Variants in NAALADL2 observed in about 807,000 individuals in gnomAD.
The protein encoded by NAALADL2 is N-acetylated alpha-linked acidic dipeptidase like 2.
NAALADL2 carries 76 observed loss-of-function variants against 87.2 expected under a neutral mutation model. The observed-to-expected ratio is 0.87, with a 90% CI of 0.72 to 1.05. NAALADL2 has a LOEUF of 1.05. Among genes scored for constraint, NAALADL2 ranks in the 50% least tolerant of loss-of-function variants. The pLI, the probability that NAALADL2 is intolerant of heterozygous loss-of-function variation, is 0.00. For synonymous variants in NAALADL2, 354 were observed against 331.0 expected (o/e 1.07, Z -0.75); for missense variants, 1,089 against 945.8 (o/e 1.15, Z -1.99).
chr3:174,829,643 G>T (rs1722423630), intron 3 of NAALADL2, among the ~76,000 whole-genome samples: 2 of 142,958 alleles, frequency 1.4e-5, no homozygotes, highest in East Asian at 2.0e-4. Context: ...TAATGGGATG[G>T]CTGGGTCAAA....
At chr3:175,427,135 T>A (rs189219976) in intron 5 of NAALADL2, among the ~76,000 whole-genome samples, 8 of 152,344 alleles carry the variant, frequency 5.3e-5, no homozygotes, top group African/African-American at 1.4e-4. Flanking sequence ...CTTGAATATA[T>A]GCTGTTCTTT....
At chr3:174,892,612 A>G (rs1334064467) in intron 1 of NAALADL2, among the ~76,000 whole-genome samples, 1 of 152,160 alleles carries the variant, frequency 6.6e-6, no homozygotes, top group Non-Finnish European at 1.5e-5. Flanking sequence ...TTAGAGAAAA[A>G]TATCAATATC....
chr3:175,104,110 C>G (rs569103740), intron 2 of NAALADL2, among the ~76,000 whole-genome samples: 1 of 152,184 alleles, frequency 6.6e-6, no homozygotes, highest in South Asian at 2.1e-4. Flanking sequence ...TTTAATCTCT[C>G]CCTTTCCACA....
intron 1 of NAALADL2, among the ~76,000 whole-genome samples, chr3:175,008,753 T>G (rs6786297): frequency 0.23 from 34,295 of 151,860 alleles, 5,362 homozygotes; most frequent in African/African-American, 0.44. Context: ...TAGGGTAGGC[T>G]AGGGTTTGGA....
At chr3:175,181,777 A>ATGTGTATATATG (rs36191548) in intron 2 of NAALADL2, among the ~76,000 whole-genome samples, 24,548 of 64,074 alleles carry the variant, frequency 0.38, 7,566 homozygotes, top group Non-Finnish European at 0.47. Flanking sequence ...GTGTGTATAT[A>ATGTGTATATATG]TGTATATATA....
chr3:174,759,168 A>G (rs1712560222), intron 3 of NAALADL2, among the ~76,000 whole-genome samples: 1 of 152,166 alleles, frequency 6.6e-6, no homozygotes, highest in Non-Finnish European at 1.5e-5. Flanking sequence ...TGGCAGCTGG[A>G]ATTAGTCTCC....
intron 5 of NAALADL2, among the ~76,000 whole-genome samples, chr3:175,428,830 A>G (rs1370641262): frequency 1.3e-5 from 2 of 152,076 alleles, no homozygotes; most frequent in East Asian, 1.9e-4. Flanking sequence ...CCATCTGTGT[A>G]AAACTTGTAG....
At chr3:175,473,019 T>G (rs2149297192) in intron 9 of NAALADL2, among the ~76,000 whole-genome samples, 1 of 152,238 alleles carries the variant, frequency 6.6e-6, no homozygotes, top group East Asian at 1.9e-4. Context: ...AATGTGTCAT[T>G]TTCTTATCGT....
chr3:175,456,790 A>G (rs1722384449), intron 6 of NAALADL2, among the ~76,000 whole-genome samples: 1 of 152,004 alleles, frequency 6.6e-6, no homozygotes, highest in Non-Finnish European at 1.5e-5. Context: ...CATTTTTCCC[A>G]GTAACATCCT....
chr3:174,441,205 G>A (rs1329918986), intron 1 of NAALADL2, among the ~76,000 whole-genome samples: 1 of 151,978 alleles, frequency 6.6e-6, no homozygotes, highest in Non-Finnish European at 1.5e-5. Flanking sequence ...GACCCGGCGT[G>A]AAGTACGGGG....
chr3:175,027,642 A>G (rs923775289), intron 1 of NAALADL2, among the ~76,000 whole-genome samples: 1 of 152,132 alleles, frequency 6.6e-6, no homozygotes, highest in African/African-American at 2.4e-5. Flanking sequence ...CTGTCTCATC[A>G]ATAGAAGATA....
chr3:175,745,069 T>C (rs1350481365), intron 12 of NAALADL2, among the ~76,000 whole-genome samples: 1 of 152,204 alleles, frequency 6.6e-6, no homozygotes, highest in East Asian at 1.9e-4. Context: ...GGTGTAATTT[T>C]TACCACTTGA....
At chr3:175,070,645 A>G (rs1368248416) in intron 1 of NAALADL2, among the ~76,000 whole-genome samples, 2 of 152,060 alleles carry the variant, frequency 1.3e-5, no homozygotes, top group African/African-American at 2.4e-5. Flanking sequence ...GAATCCCAAC[A>G]TGTCAAATAT....
intron 2 of NAALADL2, among the ~76,000 whole-genome samples, chr3:175,179,465 C>A (rs929594003): frequency 2.6e-5 from 4 of 151,914 alleles, no homozygotes; most frequent in African/African-American, 9.7e-5. Context: ...TCTCATTTCA[C>A]ATCAATGAGG....
chr3:174,716,661 G>T (rs1162396910), intron 2 of NAALADL2, among the ~76,000 whole-genome samples: 1 of 151,678 alleles, frequency 6.6e-6, no homozygotes, highest in Non-Finnish European at 1.5e-5. Flanking sequence ...AATAGACCCT[G>T]TCTCAGTTCC....
chr3:175,472,997 G>T (rs1725119495), intron 9 of NAALADL2, among the ~76,000 whole-genome samples: 1 of 151,924 alleles, frequency 6.6e-6, no homozygotes, highest in African/African-American at 2.4e-5. Context: ...AATAGAGGAG[G>T]GTTGGTTTAA....
intron 3 of NAALADL2, among the ~76,000 whole-genome samples, chr3:174,769,600 A>C (rs1228638484): frequency 6.6e-6 from 1 of 151,336 alleles, no homozygotes; most frequent in Non-Finnish European, 1.5e-5. Context: ...TATACCTTTC[A>C]TTTTTATATT....
At chr3:174,997,398 T>C (rs999620505) in intron 1 of NAALADL2, among the ~76,000 whole-genome samples, 4 of 152,134 alleles carry the variant, frequency 2.6e-5, no homozygotes, top group African/African-American at 9.7e-5. Context: ...CAAGGTCTTT[T>C]TTATTTATTG....
chr3:175,390,927 T>C (rs1388756954), intron 5 of NAALADL2, among the ~76,000 whole-genome samples: 1 of 152,146 alleles, frequency 6.6e-6, no homozygotes, highest in African/African-American at 2.4e-5. Flanking sequence ...TCAGCAACAT[T>C]CTACTGTTCT....
Sources: allele counts gnomAD v4.1 joint callset (sites outside exome capture counted in the v4.1 genomes callset), GRCh38; gene constraint gnomAD v4.1.1; transcripts MANE v1.5; gene names NCBI Gene and HGNC (gene_info 2026-07-23, HGNC 2026-07-21).